PEX5L: variants seen among roughly 807,000 people sequenced by gnomAD.
The protein encoded by PEX5L is peroxisomal biogenesis factor 5 like.
PEX5L carries 30 observed loss-of-function variants against 84.0 expected under a neutral mutation model. The observed-to-expected ratio is 0.36, with a 90% CI of 0.27 to 0.48. PEX5L has a LOEUF of 0.48. PEX5L is among the 20% of genes least tolerant of loss of function. The pLI is 0.99. For missense variants in PEX5L, 533 were observed against 754.6 expected (o/e 0.71, Z 3.44); for synonymous variants, 270 against 283.1 (o/e 0.95, Z 0.46).
chr3:179,983,442 G>C (rs970235581), intron 1 of PEX5L, among the ~76,000 whole-genome samples: 2 of 151,894 alleles, frequency 1.3e-5, no homozygotes, highest in African/African-American at 4.8e-5. Context: ...AACTTTGAAG[G>C]GAACTGTGAA....
At chr3:179,831,346 C>T (rs183574290) in intron 8 of PEX5L, among the ~76,000 whole-genome samples, 26 of 151,542 alleles carry the variant, frequency 1.7e-4, no homozygotes, top group African/African-American at 5.6e-4. Flanking sequence ...CCTACAAGAC[C>T]GCAGTGCTTT....
At chr3:179,918,510 G>A (rs1003163280) in intron 2 of PEX5L, among the ~76,000 whole-genome samples, 3 of 152,096 alleles carry the variant, frequency 2.0e-5, no homozygotes, top group Non-Finnish European at 2.9e-5. Flanking sequence ...TCACTGAAGT[G>A]GCTCATCAGT....
At chr3:180,013,125 C>T (rs1053261638) in intron 1 of PEX5L, among the ~76,000 whole-genome samples, 2 of 152,102 alleles carry the variant, frequency 1.3e-5, no homozygotes, top group Non-Finnish European at 2.9e-5. Context: ...TCAGCATTTA[C>T]GTTTATAAAA....
Position 179,795,347 on chromosome 3 carries a change from T to G in PEX5L, c.*6481A>C, listed in dbSNP as rs927948797. The stretch of plus-strand genomic sequence containing the variant: ...CATGCTTCCAATAATAGTACAAAAA[T>G]ACTACCTTAATCTTGTTACGCAAAT... On this transcript the variant is annotated 3_prime_UTR_variant, in exon 15 of 15. Transcript: ENST00000467460. The G allele has an allele frequency of 6.6e-6, 1 of 152,222 alleles. No individual in the cohort carries two copies. The highest frequency in any genetic ancestry group is 2.4e-5 in the African/African-American group (1 of 41,458). The allele number at this position is 152,222 out of a possible 1,614,324, so 9.4% of individuals were successfully genotyped here.
chr3:179,906,598 G>A (rs1763304004), intron 2 of PEX5L, among the ~76,000 whole-genome samples: 1 of 152,110 alleles, frequency 6.6e-6, no homozygotes. Flanking sequence ...TATAGTTTGA[G>A]AGGCCTTTGA....
At chr3:179,855,610 T>C (rs1743625978) in intron 8 of PEX5L, among the ~76,000 whole-genome samples, 1 of 152,180 alleles carries the variant, frequency 6.6e-6, no homozygotes, top group Non-Finnish European at 1.5e-5. Flanking sequence ...GGTCTGAATG[T>C]GTTCCCTCAA....
chr3:179,868,475 C>T (rs183579243), intron 7 of PEX5L, among the ~76,000 whole-genome samples: 1 of 152,184 alleles, frequency 6.6e-6, no homozygotes, highest in Admixed American at 6.6e-5. Flanking sequence ...TTAAATTGCT[C>T]TGGTTTGGGA....
chr3:179,877,984 T>C (rs1479651037), intron 5 of PEX5L, among the ~76,000 whole-genome samples: 1 of 152,202 alleles, frequency 6.6e-6, no homozygotes, highest in African/African-American at 2.4e-5. Flanking sequence ...GAAGAGCTCA[T>C]CTACACCCAT....
In PEX5L at chr3:179,957,954, C is replaced by T. The variant is rs190760457; in HGVS notation, c.93+13640G>A. Among the ~76,000 whole-genome samples the T allele has an allele frequency of 2.2e-3, 335 of 152,194 alleles. 3 individuals are homozygous for T. The highest frequency in any genetic ancestry group is 7.9e-3 in the African/African-American group (330 of 41,532). Reference sequence around the variant, plus strand: ...GCATCTGCTCTTTTTTGCAGCTTTGCTTTTGATTATGCATGTTTATGGCTA... The same window carrying T: ...GCATCTGCTCTTTTTTGCAGCTTTGTTTTTGATTATGCATGTTTATGGCTA... On this transcript the variant is annotated intron_variant, in intron 2 of 14. Transcript: ENST00000467460.
rs1003804347 is a variant in PEX5L at position 179,906,765 on chromosome 3, T to C, written c.94-8519A>G. ...GGAAAATGACTAAAATACAAAGATA[T>C]AAAAATTACTTTTTCTAAAAATTCT... On this transcript the variant is annotated intron_variant, in intron 2 of 14. Coordinates refer to ENST00000467460, the MANE Select transcript of PEX5L (RefSeq NM_016559.3). 2.0e-5 allele frequency among the ~76,000 whole-genome samples: 3 copies of C among 152,186 alleles called. No homozygotes were observed. The South Asian group carries it at 6.2e-4, about 31-fold the overall frequency.
intron 1 of PEX5L, among the ~76,000 whole-genome samples, chr3:180,002,110 T>A (rs556570303): frequency 1.3e-5 from 2 of 152,158 alleles, no homozygotes; most frequent in African/African-American, 4.8e-5. Flanking sequence ...TAGGTATGAA[T>A]GTACCATGAA....
chr3:179,807,846 A>G lies in PEX5L; in HGVS notation c.1519-15T>C. The G allele has an allele frequency of 6.2e-7, 1 of 1,609,610 alleles. No individual in the cohort carries two copies. ...AGTGAATAGTCCTGATGACAAAATC[A>G]GAACTTTCTAACAACCCAGTACAAG... is the stretch of plus-strand genomic sequence containing the variant. On this transcript the variant is annotated splice_polypyrimidine_tract_variant and intron_variant, in intron 13 of 14. Transcript: ENST00000467460.
chr3:180,029,700 C>T (rs1432249728), intron 1 of PEX5L, among the ~76,000 whole-genome samples: 1 of 151,686 alleles, frequency 6.6e-6, no homozygotes, highest in Non-Finnish European at 1.5e-5. Context: ...TTTTCTCAGA[C>T]CTGTGCTTCT....
At chr3:179,989,639 T>C (rs1787199613) in intron 1 of PEX5L, among the ~76,000 whole-genome samples, 1 of 152,208 alleles carries the variant, frequency 6.6e-6, no homozygotes, top group Non-Finnish European at 1.5e-5. Context: ...TGTAATGATA[T>C]AAAGCAATTT....
chr3:179,865,399 A>G (rs1747754860), intron 7 of PEX5L, among the ~76,000 whole-genome samples: 1 of 152,128 alleles, frequency 6.6e-6, no homozygotes, highest in Non-Finnish European at 1.5e-5. Context: ...GCGGTTAAAG[A>G]TCCTGAAACT....
At chr3:179,925,680 C>G (rs1043396458) in intron 2 of PEX5L, among the ~76,000 whole-genome samples, 2 of 152,136 alleles carry the variant, frequency 1.3e-5, no homozygotes, top group African/African-American at 4.8e-5. Flanking sequence ...TATGAAGGAA[C>G]AGTTTTAACT....
At chr3:179,970,728 G>A (rs147649895) in intron 2 of PEX5L, among the ~76,000 whole-genome samples, 1 of 152,178 alleles carries the variant, frequency 6.6e-6, no homozygotes, top group East Asian at 1.9e-4. Context: ...AAAACAAACT[G>A]CATGATTAGG....
At chr3:179,961,060 AG>A (rs1337962952) in intron 2 of PEX5L, among the ~76,000 whole-genome samples, 1 of 143,404 alleles carries the variant, frequency 7.0e-6, no homozygotes, top group Non-Finnish European at 1.5e-5. Flanking sequence ...TCCAGCACAA[AG>A]CCTGGATGGT....
At position 179,802,052 on chromosome 3, in the gene PEX5L, T is replaced by C. The variant is rs1010706101; in HGVS notation, c.1677-20A>G. ...GCTTCTCTAAGAAGGTAGAAAAACA[T>C]ATTTTAAAATGAGTCACATTTCAGA... On this transcript the variant is annotated intron_variant, in intron 14 of 14. Transcript: ENST00000467460. 1 of 1,528,626 alleles carries C rather than the reference T, an allele frequency of 6.5e-7. No homozygotes were observed. Among genetic ancestry groups the C allele is most frequent in the Non-Finnish European group, 9.1e-7 (1 of 1,102,928 alleles). The allele number at this position is 1,528,626 out of a possible 1,614,324, so 94.7% of individuals were successfully genotyped here. A position where few individuals can be genotyped will look rare whatever the true frequency, so the allele number is the denominator to read the frequency against.
Sources: allele counts gnomAD v4.1 joint callset (sites outside exome capture counted in the v4.1 genomes callset), GRCh38; gene constraint gnomAD v4.1.1; transcripts MANE v1.5; gene names NCBI Gene and HGNC (gene_info 2026-07-23, HGNC 2026-07-21).